The following CHD1L variants were observed in gnomAD, a reference collection of about 807,000 sequenced individuals.
CHD1L encodes the protein ATP-dependent chromatin remodeler CHD1L.
In CHD1L, 118 loss-of-function variants were observed where a neutral mutation model predicts 115.9. The observed-to-expected ratio is 1.02, with a 90% CI of 0.88 to 1.19. The LOEUF is 1.19. CHD1L is among the 50% of genes most tolerant of loss of function. The pLI is 0.00. For missense variants in CHD1L, 1,179 were observed against 1,065.3 expected, an observed-to-expected ratio of 1.11 and a Z score of -1.49; for synonymous variants, 411 against 387.1, an observed-to-expected ratio of 1.06 and a Z score of -0.72.
chr1:147,201,030 T>A, the CHD1L span: 1 of 712,596 alleles, frequency 1.4e-6, no homozygotes, highest in South Asian at 1.9e-5. Context: ...TTTTCTGTAC[T>A]AACTTTGTGC....
the CHD1L span, among the ~76,000 whole-genome samples, chr1:147,232,493 C>G: frequency 6.6e-6 from 1 of 152,090 alleles, no homozygotes; most frequent in African/African-American, 2.4e-5. Context: ...CTCTCCCTCT[C>G]CCTCTCCCCA....
chr1:147,229,673 C>CT, the CHD1L span, among the ~76,000 whole-genome samples: 4 of 152,242 alleles, frequency 2.6e-5, no homozygotes, highest in Non-Finnish European at 5.9e-5. Context: ...TTTGTATCCT[C>CT]TTTTATTTCA....
intron 9 of CHD1L, 90 bp downstream of exon 9, chr1:147,267,608 C>A: frequency 1.1e-6 from 1 of 909,808 alleles, no homozygotes. Flanking sequence ...ATTGCATATA[C>A]TTACTTTGTC....
the CHD1L span, among the ~76,000 whole-genome samples, chr1:147,199,936 T>C: frequency 6.6e-6 from 1 of 152,138 alleles, no homozygotes; most frequent in Non-Finnish European, 1.5e-5. Flanking sequence ...CTAGTAACAA[T>C]AGCAAATTTT....
chr1:147,191,883 T>A, the CHD1L span, among the ~76,000 whole-genome samples: 1 of 152,156 alleles, frequency 6.6e-6, no homozygotes, highest in Non-Finnish European at 1.5e-5. Context: ...TCCCTTTTGG[T>A]ACCAGTACCA....
At chr1:147,204,894 C>G in the CHD1L span, 6 of 1,584,538 alleles carry the variant, frequency 3.8e-6, no homozygotes, top group African/African-American at 2.7e-5. Flanking sequence ...CCTTGAGCAT[C>G]TGGGCGAAGC....
the CHD1L span, chr1:147,225,085 A>G: frequency 1.2e-6 from 2 of 1,611,894 alleles, no homozygotes; most frequent in Non-Finnish European, 1.7e-6. Context: ...AGGATGACAA[A>G]AGACAAAAAG....
chr1:147,186,696 C>T, the CHD1L span: 22 of 1,390,692 alleles, frequency 1.6e-5, no homozygotes, highest in East Asian at 1.1e-4. Flanking sequence ...GGAAGAGTGA[C>T]GGATCATGAG....
At chr1:147,213,200 TCTTA>T in the CHD1L span, 1 of 902,972 alleles carries the variant, frequency 1.1e-6, no homozygotes, top group Admixed American at 2.8e-5. Context: ...TTAGGATAAG[TCTTA>T]CTTCATTCCA....
the CHD1L span, chr1:147,213,287 C>T: frequency 1.3e-6 from 2 of 1,589,008 alleles, no homozygotes; most frequent in Non-Finnish European, 1.7e-6. Context: ...CAAGGGTCTT[C>T]CTTCCTGGTA....
the CHD1L span, among the ~76,000 whole-genome samples, chr1:147,233,930 C>T: frequency 2.0e-5 from 3 of 151,960 alleles, no homozygotes; most frequent in Admixed American, 6.6e-5. Flanking sequence ...ACTCCCTAAT[C>T]TCAAGTACCC....
intron 18 of CHD1L, 137 bp from the exon 19 acceptor site, chr1:147,287,498 C>T: frequency 1.6e-6 from 1 of 607,510 alleles, no homozygotes; most frequent in African/African-American, 1.9e-5. Context: ...CTGTGATATT[C>T]CTAGGAGATA....
chr1:147,270,372 C>T (rs1283141025), intron 10 of CHD1L, among the ~76,000 whole-genome samples: 3 of 152,168 alleles, frequency 2.0e-5, no homozygotes, highest in African/African-American at 7.2e-5. Context: ...TGAGACATCA[C>T]TTACCCCTTG....
the CHD1L span, among the ~76,000 whole-genome samples, chr1:147,181,069 C>T: frequency 5.3e-5 from 8 of 152,178 alleles, no homozygotes; most frequent in Non-Finnish European, 8.8e-5. Flanking sequence ...AATAATGCTT[C>T]GCCATACCTA....
the CHD1L span, chr1:147,203,216 G>A: frequency 2.0e-5 from 18 of 908,522 alleles, no homozygotes; most frequent in African/African-American, 1.2e-4. Context: ...AACATCACGC[G>A]ATTCTTAGAA....
In CHD1L at chr1:147,288,416, G is replaced by A. The variant is rs587732433; in HGVS notation, c.2320+683G>A. On this transcript the variant is annotated intron_variant, in intron 19 of 22. Coordinates refer to ENST00000369258, the MANE Select transcript of CHD1L (RefSeq NM_004284.6). ...AAATATCAAAGATCTATGGGAAGCCGGGCGTGGTGGCTCACAGCTGTGATC... is the reference window on the plus strand; with the variant it reads ...AAATATCAAAGATCTATGGGAAGCCAGGCGTGGTGGCTCACAGCTGTGATC... Among the ~76,000 whole-genome samples the A allele has an allele frequency of 2.6e-4, 39 of 151,824 alleles. 1 individual carries two copies. In the South Asian group the frequency reaches 6.7e-3, roughly 26 times the overall value.
chr1:147,295,596 A>G lies in CHD1L; in HGVS notation c.*87A>G. ...CAATAGAGTATTTCAAAATGGAATC[A>G]GGATCTGGTGGGCCTCAGAAATTGT... On this transcript the variant is annotated 3_prime_UTR_variant, in exon 23 of 23. Coordinates refer to ENST00000369258, the MANE Select transcript of CHD1L (RefSeq NM_004284.6). The G allele has an allele frequency of 3.1e-6, 3 of 958,448 alleles. No homozygotes were observed. The highest frequency in any genetic ancestry group is 4.7e-6 in the Non-Finnish European group (3 of 642,522). 59.4% of individuals were successfully genotyped at this position (958,448 alleles called of 1,614,324 possible).
chr1:147,179,879 T>C, the CHD1L span, among the ~76,000 whole-genome samples: 2 of 151,726 alleles, frequency 1.3e-5, no homozygotes, highest in African/African-American at 4.9e-5. Flanking sequence ...GGGAGTCGGG[T>C]TGAGTTGGGG....
chr1:147,277,996 G>A (rs782371329), intron 14 of CHD1L, among the ~76,000 whole-genome samples: 29 of 152,050 alleles, frequency 1.9e-4, no homozygotes, highest in Admixed American at 3.9e-4. Flanking sequence ...CCACCCCATG[G>A]GGCCACAAAC....
Sources: gnomAD v4.1 joint callset for allele counts (sites outside exome capture counted in the v4.1 genomes callset) on GRCh38, gnomAD v4.1.1 for gene constraint, MANE v1.5 for transcripts, NCBI Gene and HGNC (gene_info 2026-07-23, HGNC 2026-07-21) for gene names.